Variants in USP32 observed in about 807,000 individuals in gnomAD.
The protein encoded by USP32 is ubiquitin specific peptidase 32.
Under a neutral mutation model 204.8 loss-of-function variants are expected in USP32, and 59 were observed. The observed-to-expected ratio is 0.29, with a 90% CI of 0.23 to 0.36. USP32 has a LOEUF of 0.36. Ranked by LOEUF, USP32 falls within the 10% of genes least tolerant of loss-of-function variation. USP32 has a pLI of 1.00. For missense variants in USP32, 1,160 were observed against 1,946.4 expected (o/e 0.60, Z 7.60); for synonymous variants, 517 against 678.4 (o/e 0.76, Z 3.70).
At chr17:60,416,856 T>C (rs1333050342) in intron 1 of USP32, among the ~76,000 whole-genome samples, 1 of 151,886 alleles carries the variant, frequency 6.6e-6, no homozygotes, top group African/African-American at 2.4e-5. Context: ...GGGATATATA[T>C]ACACACACAT....
chr17:60,271,491 A>C lies in USP32; in HGVS notation c.572-10T>G. Reference sequence around the variant, plus strand: ...ATGTCTGATTCCTCCACTAAGGGTCAAATCAAAAAAGATTATAAAACCTCA... The same window carrying C: ...ATGTCTGATTCCTCCACTAAGGGTCCAATCAAAAAAGATTATAAAACCTCA... On this transcript the variant is annotated splice_polypyrimidine_tract_variant and intron_variant, in intron 5 of 33. Transcript: ENST00000300896. 6.2e-7 allele frequency: 1 copy of C among 1,611,946 alleles called. No homozygotes were observed. Among genetic ancestry groups the C allele is most frequent in the South Asian group, 1.1e-5 (1 of 90,676 alleles).
intron 33 of USP32, among the ~76,000 whole-genome samples, chr17:60,179,870 C>T (rs2145343487): frequency 6.6e-6 from 1 of 152,074 alleles, no homozygotes; most frequent in South Asian, 2.1e-4. Context: ...CGGGGTTTCA[C>T]CATATTAGCC....
chr17:60,270,878 G>A (rs1262445869), intron 6 of USP32, among the ~76,000 whole-genome samples: 4 of 151,630 alleles, frequency 2.6e-5, no homozygotes, highest in African/African-American at 7.3e-5. Context: ...AGAGCACCTC[G>A]GAGATGGTCT....
intron 5 of USP32, among the ~76,000 whole-genome samples, chr17:60,272,454 A>G (rs2086745471): frequency 6.6e-6 from 1 of 152,248 alleles, no homozygotes; most frequent in Non-Finnish European, 1.5e-5. Flanking sequence ...AGTAAAATTT[A>G]CAAAGCGTAC....
chr17:60,422,173 G>A, intron 1 of USP32: 1 of 280,768 alleles, frequency 3.6e-6, no homozygotes, highest in Non-Finnish European at 6.5e-6. Context: ...TTCCTCTCGG[G>A]GAGCCCCCAC....
In USP32 at chr17:60,220,425, T is replaced by C. The variant is rs533126866; in HGVS notation, c.1750-638A>G. 7.1e-3 allele frequency among the ~76,000 whole-genome samples: 1,087 copies of C among 152,320 alleles called. 10 individuals are homozygous for C. Among genetic ancestry groups the C allele is most frequent in the Non-Finnish European group, 0.012 (844 of 68,028 alleles). ...AAAAATTTACTACGTTCTACTTGCG[T>C]AACCAGTCTGTTCACATATGTTTTG... On this transcript the variant is annotated intron_variant, in intron 15 of 33. Transcript: ENST00000300896.
rs144693498 is a variant in USP32, at chr17:60,254,177, C to T, written c.1074+998G>A. On this transcript the variant is annotated intron_variant, in intron 10 of 33. Coordinates refer to ENST00000300896, the MANE Select transcript of USP32 (RefSeq NM_032582.4). ...ACTATTAAATCAAGTTAAATATTTGCGAATAACTATAAAAATGGGAAAATA... is the reference window on the plus strand; with the variant it reads ...ACTATTAAATCAAGTTAAATATTTGTGAATAACTATAAAAATGGGAAAATA... Among the ~76,000 whole-genome samples, 10 of 152,076 alleles carry T rather than the reference C, an allele frequency of 6.6e-5. No individual in the cohort carries two copies. The East Asian group carries it at 9.7e-4, about 15-fold the overall frequency.
chr17:60,387,115 TACTG>T (rs1462426861), intron 1 of USP32, among the ~76,000 whole-genome samples: 1 of 152,204 alleles, frequency 6.6e-6, no homozygotes, highest in African/African-American at 2.4e-5. Context: ...TCCCAGAAGG[TACTG>T]ACTGTGAAAT....
chr17:60,417,118 G>C (rs1334466390), intron 1 of USP32, among the ~76,000 whole-genome samples: 1 of 151,832 alleles, frequency 6.6e-6, no homozygotes, highest in Non-Finnish European at 1.5e-5. Context: ...GGTTTTAACC[G>C]TGTTGGCCAG....
At chr17:60,234,360 G>A (rs2085657855) in intron 12 of USP32, among the ~76,000 whole-genome samples, 2 of 150,726 alleles carry the variant, frequency 1.3e-5, no homozygotes, top group South Asian at 4.2e-4. Flanking sequence ...TGATCCGCCC[G>A]CCTTGGCCTC....
chr17:60,243,350 T>G (rs1164723571), intron 11 of USP32, among the ~76,000 whole-genome samples: 1 of 152,226 alleles, frequency 6.6e-6, no homozygotes, highest in African/African-American at 2.4e-5. Context: ...TGCCTTTTAT[T>G]TCCTTTTCTT....
At chr17:60,278,081 AT>A (rs1444871812) in intron 5 of USP32, among the ~76,000 whole-genome samples, 1 of 151,872 alleles carries the variant, frequency 6.6e-6, no homozygotes, top group Non-Finnish European at 1.5e-5. Context: ...TAATTTTCAA[AT>A]TTTTTGTAGA....
chr17:60,381,568 T>G (rs933290409), intron 1 of USP32, among the ~76,000 whole-genome samples: 1 of 152,230 alleles, frequency 6.6e-6, no homozygotes, highest in African/African-American at 2.4e-5. Flanking sequence ...TCAGGTGCTC[T>G]TCTTCAGTGG....
chr17:60,410,496 G>C (rs940481580), intron 1 of USP32, among the ~76,000 whole-genome samples: 2 of 151,952 alleles, frequency 1.3e-5, no homozygotes, highest in African/African-American at 4.8e-5. Context: ...GTGAAACCCT[G>C]TCTCTACTAA....
At chr17:60,247,672 T>G (rs946937300) in intron 11 of USP32, among the ~76,000 whole-genome samples, 1 of 149,828 alleles carries the variant, frequency 6.7e-6, no homozygotes, top group Non-Finnish European at 1.5e-5. Flanking sequence ...TGTTTGTTTG[T>G]TTTGGTTTTT....
chr17:60,183,388 T>C lies in USP32; in HGVS notation c.3900A>G (p.Lys1300=). Residue 1300 remains lysine, a synonymous_variant, in exon 31 of 34, where the codon AAA becomes AAG. Coordinates refer to ENST00000300896, the MANE Select transcript of USP32 (RefSeq NM_032582.4). ...GRWIKSQKIV[K]FPRESFDPSA... ...TTGGATCAAAACTTTCCCGAGGAAA[T>C]TTGACAATTTTCTGTGATTTTATCC... The C allele has an allele frequency of 6.2e-7, 1 of 1,613,456 alleles. No individual in the cohort carries two copies.
At chr17:60,316,128 C>G (rs769202404) in intron 2 of USP32, 6 of 252,946 alleles carry the variant, frequency 2.4e-5, no homozygotes, top group Non-Finnish European at 4.7e-5. Flanking sequence ...TTTTTGAAGA[C>G]ATCAACCACT....
chr17:60,356,120 T>C (rs2089071732), intron 1 of USP32, among the ~76,000 whole-genome samples: 1 of 152,188 alleles, frequency 6.6e-6, no homozygotes, highest in South Asian at 2.1e-4. Context: ...TCTCAAGCTT[T>C]GTCTTTATTT....
At chr17:60,343,730 CA>C (rs1471421379) in intron 2 of USP32, among the ~76,000 whole-genome samples, 2 of 152,162 alleles carry the variant, frequency 1.3e-5, no homozygotes, top group African/African-American at 4.8e-5. Context: ...TCTAACATCA[CA>C]ATTAAAAGAA....
Sources: gnomAD v4.1 joint callset for allele counts (sites outside exome capture counted in the v4.1 genomes callset) on GRCh38, gnomAD v4.1.1 for gene constraint, MANE v1.5 for transcripts, NCBI Gene and HGNC (gene_info 2026-07-23, HGNC 2026-07-21) for gene names.